The following TAFA1 variants were observed in gnomAD, a reference collection of about 807,000 sequenced individuals.
TAFA1 encodes the protein chemokine-like protein TAFA-1.
Under a neutral mutation model 18.5 loss-of-function variants are expected in TAFA1, and 4 were observed. The ratio of observed to expected loss-of-function variants is 0.22; its 90% confidence interval spans 0.11 to 0.49. TAFA1 has a LOEUF of 0.49. Among genes scored for constraint, TAFA1 ranks in the 20% least tolerant of loss-of-function variants. TAFA1 has a pLI of 0.98. For synonymous variants in TAFA1, 56 were observed against 55.2 expected (o/e 1.01, Z -0.06); for missense variants, 147 against 169.0 (o/e 0.87, Z 0.72).
rs184029116 is a variant in TAFA1 at position 68,039,343 on chromosome 3, T to A, written c.118+32599T>A. On this transcript the variant is annotated intron_variant, in intron 2 of 4. Transcript: ENST00000478136. ...GAATAATACATGAATATAATCACCATATAAAAGTGGAAACCTTATGGATAA... is the reference window on the plus strand; with the variant it reads ...GAATAATACATGAATATAATCACCAAATAAAAGTGGAAACCTTATGGATAA... Among the ~76,000 whole-genome samples, 40 of 152,292 alleles carry A rather than the reference T, an allele frequency of 2.6e-4. 1 individual carries two copies. The highest frequency in any genetic ancestry group is 2.6e-3 in the Admixed American group (40 of 15,284).
chr3:68,136,181 T>TAGACCTATATTTCCTTCACACTG (rs1454003484), intron 2 of TAFA1, among the ~76,000 whole-genome samples: 1 of 152,172 alleles, frequency 6.6e-6, no homozygotes, highest in African/African-American at 2.4e-5. Context: ...CAACACATGA[T>TAGACCTATATTTCCTTCACACTG]AGACCTATAT....
chr3:68,018,810 G>A (rs967607921), intron 2 of TAFA1, among the ~76,000 whole-genome samples: 2 of 152,176 alleles, frequency 1.3e-5, no homozygotes, highest in Admixed American at 6.5e-5. Flanking sequence ...TTTGTTTAAG[G>A]TCACCTAGCT....
rs547992794 is a variant in TAFA1, at chr3:68,112,110, A to G, written c.118+105366A>G. On this transcript the variant is annotated intron_variant, in intron 2 of 4. Transcript: ENST00000478136. ...GCACTGGATGAAAAAAAAATGCTATACTCATATAGAGAAGAGACAGAGCAA... is the reference window on the plus strand; with the variant it reads ...GCACTGGATGAAAAAAAAATGCTATGCTCATATAGAGAAGAGACAGAGCAA... Among the ~76,000 whole-genome samples the G allele has an allele frequency of 2.6e-5, 4 of 151,764 alleles. No individual in the cohort carries two copies. In the South Asian group the frequency reaches 6.2e-4, roughly 24 times the overall value.
intron 2 of TAFA1, among the ~76,000 whole-genome samples, chr3:68,139,630 C>T (rs748312980): frequency 6.6e-6 from 1 of 152,086 alleles, no homozygotes; most frequent in Non-Finnish European, 1.5e-5. Flanking sequence ...TTTCTTGGGC[C>T]TCAGCAATTT....
rs898228404 is a variant in TAFA1 at position 68,048,581 on chromosome 3, C to A, written c.118+41837C>A. Among the ~76,000 whole-genome samples, 72 of 152,082 alleles carry A rather than the reference C, an allele frequency of 4.7e-4. 1 individual carries two copies. The highest frequency in any genetic ancestry group is 3.3e-4 in the Admixed American group (5 of 15,248). ...CTTTCCATATTTTTGTACACATCAA[C>A]TATCCCTAGTTTCCCCTTCTCCCCC... On this transcript the variant is annotated intron_variant, in intron 2 of 4. Coordinates refer to ENST00000478136, the MANE Select transcript of TAFA1 (RefSeq NM_213609.4).
intron 2 of TAFA1, among the ~76,000 whole-genome samples, chr3:68,037,715 A>G (rs908832428): frequency 6.6e-6 from 1 of 152,160 alleles, no homozygotes; most frequent in Non-Finnish European, 1.5e-5. Flanking sequence ...AAACAGTAAG[A>G]TTTGCATTTT....
intron 2 of TAFA1, among the ~76,000 whole-genome samples, chr3:68,354,148 A>T (rs1157572332): frequency 8.5e-6 from 1 of 117,282 alleles, no homozygotes; most frequent in East Asian, 3.5e-4. Flanking sequence ...AATTTCATTT[A>T]TTTTTCTAAT....
intron 2 of TAFA1, among the ~76,000 whole-genome samples, chr3:68,283,691 A>G (rs1254331655): frequency 6.6e-6 from 1 of 152,232 alleles, no homozygotes; most frequent in African/African-American, 2.4e-5. Flanking sequence ...CTGGCATATT[A>G]TAAGTATCTA....
intron 2 of TAFA1, among the ~76,000 whole-genome samples, chr3:68,381,467 CCTT>C (rs1559643002): frequency 6.6e-6 from 1 of 152,064 alleles, no homozygotes; most frequent in African/African-American, 2.4e-5. Context: ...TTGTAGTTCT[CCTT>C]GAAGAGGTCC....
chr3:68,441,883 A>G (rs993627647), intron 3 of TAFA1, among the ~76,000 whole-genome samples: 5 of 152,226 alleles, frequency 3.3e-5, no homozygotes, highest in Admixed American at 1.3e-4. Context: ...CCTGAAGGAC[A>G]GCAGTGAAGG....
At chr3:68,464,354 G>A (rs1387867000) in intron 3 of TAFA1, among the ~76,000 whole-genome samples, 2 of 152,196 alleles carry the variant, frequency 1.3e-5, no homozygotes, top group Non-Finnish European at 2.9e-5. Context: ...CAGGTAGAGA[G>A]AGAGTTGGAA....
rs1361299725 is a variant in TAFA1 at position 68,509,800 on chromosome 3, C to T, written c.260-28956C>T. 3.9e-5 allele frequency among the ~76,000 whole-genome samples: 6 copies of T among 152,188 alleles called. No individual in the cohort carries two copies. The East Asian group carries it at 5.8e-4, about 15-fold the overall frequency. ...CAAAGGAAAGTCCCCAGAACAGACACTGCCAGGGAGCAGAGGATGGGAAAT... is the reference window on the plus strand; with the variant it reads ...CAAAGGAAAGTCCCCAGAACAGACATTGCCAGGGAGCAGAGGATGGGAAAT... On this transcript the variant is annotated intron_variant, in intron 3 of 4. Coordinates refer to ENST00000478136, the MANE Select transcript of TAFA1 (RefSeq NM_213609.4).
intron 2 of TAFA1, among the ~76,000 whole-genome samples, chr3:68,242,864 T>C (rs933021000): frequency 1.3e-5 from 2 of 151,942 alleles, no homozygotes; most frequent in Non-Finnish European, 2.9e-5. Context: ...ATAAACTACA[T>C]TTTTTTATCT....
chr3:68,420,237 A>C (rs1028472849), intron 3 of TAFA1, among the ~76,000 whole-genome samples: 2 of 152,144 alleles, frequency 1.3e-5, no homozygotes, highest in African/African-American at 4.8e-5. Context: ...GCTGTCAATT[A>C]TATGCCATGG....
At chr3:68,075,950 G>C (rs1268524783) in intron 2 of TAFA1, among the ~76,000 whole-genome samples, 1 of 152,172 alleles carries the variant, frequency 6.6e-6, no homozygotes, top group Admixed American at 6.5e-5. Context: ...TGCTGCCTCA[G>C]TCTCTCAAAG....
chr3:68,414,965 A>T (rs1186051884), intron 2 of TAFA1, among the ~76,000 whole-genome samples: 1 of 152,116 alleles, frequency 6.6e-6, no homozygotes, highest in Non-Finnish European at 1.5e-5. Context: ...GCTGTTACTG[A>T]CTTGACGGAG....
intron 3 of TAFA1, among the ~76,000 whole-genome samples, chr3:68,471,097 C>T (rs543734018): frequency 6.6e-6 from 1 of 152,312 alleles, no homozygotes; most frequent in South Asian, 2.1e-4. Flanking sequence ...GGTGCAAGTC[C>T]AAGCCTTGGC....
At chr3:68,130,589 G>T (rs1000311622) in intron 2 of TAFA1, among the ~76,000 whole-genome samples, 1 of 152,112 alleles carries the variant, frequency 6.6e-6, no homozygotes, top group Non-Finnish European at 1.5e-5. Flanking sequence ...TCTTTTCTTA[G>T]AATAAAATGC....
chr3:68,400,112 C>A (rs190201913), intron 2 of TAFA1, among the ~76,000 whole-genome samples: 2 of 152,114 alleles, frequency 1.3e-5, no homozygotes, highest in African/African-American at 4.8e-5. Flanking sequence ...GAAAAGACTA[C>A]GCTGTTTGGC....
Sources: allele counts gnomAD v4.1 joint callset (sites outside exome capture counted in the v4.1 genomes callset), GRCh38; gene constraint gnomAD v4.1.1; transcripts MANE v1.5; gene names NCBI Gene and HGNC (gene_info 2026-07-23, HGNC 2026-07-21).